MGAT1: variants seen among roughly 807,000 people sequenced by gnomAD.
MGAT1 encodes the protein N-glycosyl-oligosaccharide-glycoprotein N-acetylglucosaminyltransferase I.
A neutral mutation model predicts 31.7 loss-of-function variants in MGAT1; 14 were observed. The observed-to-expected ratio is 0.44, with a 90% CI of 0.29 to 0.69. The LOEUF is 0.69. MGAT1 is among the 30% of genes least tolerant of loss of function. The probability of loss-of-function intolerance (pLI) is 0.12; values close to 1 mark genes in which losing one functional copy is unlikely to be tolerated. For synonymous variants in MGAT1, 338 were observed against 276.0 expected (o/e 1.22, Z -2.23); for missense variants, 557 against 626.0 (o/e 0.89, Z 1.18).
chr5:180,794,411 T>TTTTTTATATATATATATATATA (rs528893463), intron 1 of MGAT1, among the ~76,000 whole-genome samples: 1 of 141,982 alleles, frequency 7.0e-6, no homozygotes, highest in Non-Finnish European at 1.5e-5. Context: ...TTTTTTTTTA[T>TTTTTTATATATATATATATATA]TATATATATA....
At chr5:180,799,329 G>A (rs371804532) in intron 1 of MGAT1, among the ~76,000 whole-genome samples, 8 of 152,252 alleles carry the variant, frequency 5.3e-5, no homozygotes, top group African/African-American at 1.7e-4. Context: ...GGACGCTGCT[G>A]TGTCTCTGCT....
chr5:180,784,847 A>T lies in MGAT1; in HGVS notation c.*6787T>A, dbSNP rs961918028. On this transcript the variant is annotated 3_prime_UTR_variant, in exon 2 of 2. Transcript: ENST00000307826. ...TTAGGTAGTTACACGATAAGCACAT[A>T]TTACTTATATACGAAAAAAGTTATT... 7.3e-4 allele frequency: 111 copies of T among 152,376 alleles called. No individual in the cohort carries two copies. Among genetic ancestry groups the T allele is most frequent in the African/African-American group, 2.5e-3 (105 of 41,582 alleles). The allele number at this position is 152,376 out of a possible 1,614,324, so 9.4% of individuals were successfully genotyped here.
chr5:180,792,518 T>C lies in MGAT1; in HGVS notation c.454A>G (p.Ile152Val), dbSNP rs1768399851. The C allele has an allele frequency of 6.2e-7, 1 of 1,612,992 alleles. No individual in the cohort carries two copies. Among genetic ancestry groups the C allele is most frequent in the Non-Finnish European group, 8.5e-7 (1 of 1,179,868 alleles). ...GTGACCGCGCTGCCGTAGGAGGCGA[T>C]GGCCTGGGCCGTCTCCTCGTGCCCG... ...DCGHEETAQA[I>V]ASYGSAVTHI... is the part of the protein sequence containing the mutation. The change falls in exon 2 of 2, where the codon ATC (isoleucine) becomes GTC (valine). Residue 152 changes from isoleucine (I) to valine (V), a missense_variant. Physicochemically the swap from Ile to Val is conservative, Grantham distance 29 (BLOSUM62 3). Coordinates refer to ENST00000307826, the MANE Select transcript of MGAT1 (RefSeq NM_002406.4).
Position 180,789,676 on chromosome 5 carries a change from G to A in MGAT1, c.*1958C>T, listed in dbSNP as rs2113166241. 1 of 152,288 alleles carries A rather than the reference G, an allele frequency of 6.6e-6. No individual in the cohort carries two copies. The highest frequency in any genetic ancestry group is 2.4e-5 in the African/African-American group (1 of 41,536). 9.4% of individuals were successfully genotyped at this position (152,288 alleles called of 1,614,324 possible). On this transcript the variant is annotated 3_prime_UTR_variant, in exon 2 of 2. Transcript: ENST00000307826. ...AGAGTCTTGCTCTGTCGCCCAGGCT[G>A]GAGTGCAGTGGTATGATCTTGGATT...
Position 180,791,643 on chromosome 5 carries a change from G to C in MGAT1, c.1329C>G (p.Ser443Arg). ...GAAGGACAGGCAGGTGCTAATTCCA[G>C]CTAGGATCATAGCCCTCCCACGTCA... Reference protein sequence around the residue: ...PPLTWEGYDPSWN With the variant: ...PPLTWEGYDPRWN Residue 443 changes from serine (S) to arginine (R), a missense_variant, in exon 2 of 2, where the codon AGC becomes AGG. Ser to Arg is a moderately radical substitution (Grantham distance 110). Around this residue, in one of 3 missense-constraint regions of MGAT1, gnomAD observed 145 missense variants for 143.2 expected, o/e 1.01. Transcript: ENST00000307826. The C allele has an allele frequency of 2.5e-6, 4 of 1,613,312 alleles. No individual in the cohort carries two copies. The highest frequency in any genetic ancestry group is 2.5e-6 in the Non-Finnish European group (3 of 1,179,880).
At chr5:180,812,833 T>A (rs1477175094) in intron 1 of MGAT1, among the ~76,000 whole-genome samples, 1 of 152,198 alleles carries the variant, frequency 6.6e-6, no homozygotes, top group Non-Finnish European at 1.5e-5. Flanking sequence ...TAATTGCCGG[T>A]TTTAAAAAAT....
chr5:180,791,549 C>G lies in MGAT1; in HGVS notation c.*85G>C. 2 of 1,496,586 alleles carry G rather than the reference C, an allele frequency of 1.3e-6. No homozygotes were observed. The highest frequency in any genetic ancestry group is 4.5e-5 in the East Asian group (2 of 44,030). The allele number at this position is 1,496,586 out of a possible 1,614,324, so 92.7% of individuals were successfully genotyped here. On this transcript the variant is annotated 3_prime_UTR_variant, in exon 2 of 2. Coordinates refer to ENST00000307826, the MANE Select transcript of MGAT1 (RefSeq NM_002406.4). The stretch of plus-strand genomic sequence containing the variant: ...GATAAATGCACCTAAGAGGGAAACA[C>G]AGGCAGGCCGATGCAGCCTGGGGAC...
intron 2 of MGAT1, chr5:180,808,368 A>G (rs1380960264): frequency 6.6e-6 from 1 of 150,908 alleles, no homozygotes; most frequent in African/African-American, 2.4e-5. Flanking sequence ...AGGTAATCTA[A>G]TCCAACCTCC....
At position 180,793,065 on chromosome 5, in the gene MGAT1, T is replaced by TAATCCCATAGTC; in HGVS notation, c.-95_-94insGACTATGGGATT. ...TGCCCGCAGTCCTAGGGATGCCTCC[T>TAATCCCATAGTC]CTGGACTATGGGATTAGGAGGCAGC... On this transcript the variant is annotated 5_prime_UTR_variant, in exon 2 of 2. It adds an upstream start codon to the 5' untranslated region. Coordinates refer to ENST00000307826, the MANE Select transcript of MGAT1 (RefSeq NM_002406.4). The TAATCCCATAGTC allele has an allele frequency of 6.9e-7, 1 of 1,449,314 alleles. No individual in the cohort carries two copies. The highest frequency in any genetic ancestry group is 1.3e-5 in the South Asian group (1 of 76,592). The allele number at this position is 1,449,314 out of a possible 1,614,324, so 89.8% of individuals were successfully genotyped here.
chr5:180,794,413 A>T lies in MGAT1; in HGVS notation c.-126-1316T>A, dbSNP rs867715447. On this transcript the variant is annotated intron_variant, in intron 1 of 1. Transcript: ENST00000307826. ...TGTCTCAAAAAAATTTTTTTTTATTATATATATATATATATGGCATACTAC... is the reference window on the plus strand; with the variant it reads ...TGTCTCAAAAAAATTTTTTTTTATTTTATATATATATATATGGCATACTAC... Among the ~76,000 whole-genome samples, 175 of 118,550 alleles carry T rather than the reference A, an allele frequency of 1.5e-3. 2 individuals are homozygous for T. Among genetic ancestry groups the T allele is most frequent in the African/African-American group, 3.8e-3 (109 of 28,622 alleles). The allele number at this position is 118,550 out of a possible 152,430, so 77.8% of individuals were successfully genotyped here. A position where few individuals can be genotyped will look rare whatever the true frequency, so the allele number is the denominator to read the frequency against.
intron 1 of MGAT1, among the ~76,000 whole-genome samples, chr5:180,815,015 T>C (rs1561888655): frequency 6.6e-6 from 1 of 152,150 alleles, no homozygotes; most frequent in Non-Finnish European, 1.5e-5. Flanking sequence ...AGGGAATTTA[T>C]TTCTTACAGC....
At position 180,802,789 on chromosome 5, in the gene MGAT1, C is replaced by G. The variant is rs1257566210; in HGVS notation, c.-236G>C. The stretch of plus-strand genomic sequence containing the variant: ...CTGCCGCGGCCGCCTCGCCTTTCGA[C>G]TCGCCAGCCCTTTCTGCGGCGCGCC... On this transcript the variant is annotated 5_prime_UTR_variant, in exon 1 of 2. Coordinates refer to ENST00000307826, the MANE Select transcript of MGAT1 (RefSeq NM_002406.4). 6.6e-6 allele frequency: 1 copy of G among 151,934 alleles called. No homozygotes were observed. Among genetic ancestry groups the G allele is most frequent in the Non-Finnish European group, 1.5e-5 (1 of 67,960 alleles). The allele number at this position is 151,934 out of a possible 1,614,324, so 9.4% of individuals were successfully genotyped here.
At chr5:180,804,017 A>T (rs1181375556), upstream of MGAT1, 1 of 152,228 alleles carries the variant, frequency 6.6e-6, no homozygotes, top group Non-Finnish European at 1.5e-5. Context: ...TCTACATGAA[A>T]CCACGAATCG....
At chr5:180,802,288 AG>A (rs1258203108) in intron 1 of MGAT1, among the ~76,000 whole-genome samples, 1 of 152,168 alleles carries the variant, frequency 6.6e-6, no homozygotes. Context: ...TCTGCTGAGG[AG>A]AATCAGCCTC....
chr5:180,809,799 A>C (rs1772342294), intron 1 of MGAT1: 1 of 128,616 alleles, frequency 7.8e-6, no homozygotes, highest in African/African-American at 3.0e-5. Context: ...ACACACATCC[A>C]TTCTCTCTCT....
In MGAT1 at chr5:180,796,548, A is replaced by G. The variant is rs73815127; in HGVS notation, c.-126-3451T>C. Among the ~76,000 whole-genome samples the G allele has an allele frequency of 7.7e-3, 1,171 of 152,228 alleles. 16 individuals carry two copies. Among genetic ancestry groups the G allele is most frequent in the African/African-American group, 0.027 (1,114 of 41,536 alleles). On this transcript the variant is annotated intron_variant, in intron 1 of 1. Transcript: ENST00000307826. Reference sequence around the variant, plus strand: ...ACTCAGAGCTGTGGGCCATATCCCCATATTTGATTTTTAAGAAAGTTTATG... The same window carrying G: ...ACTCAGAGCTGTGGGCCATATCCCCGTATTTGATTTTTAAGAAAGTTTATG...
chr5:180,789,408 A>C lies in MGAT1; in HGVS notation c.*2226T>G, dbSNP rs896866148. ...AGCAATTCTCCTGCCTCAGCCTCCC[A>C]AGTAGCTGGAATTACAGGCATGTGC... On this transcript the variant is annotated 3_prime_UTR_variant, in exon 2 of 2. Transcript: ENST00000307826. 2 of 151,580 alleles carry C rather than the reference A, an allele frequency of 1.3e-5. No individual in the cohort carries two copies. Among genetic ancestry groups the C allele is most frequent in the Non-Finnish European group, 2.9e-5 (2 of 68,018 alleles). 9.4% of individuals were successfully genotyped at this position (151,580 alleles called of 1,614,324 possible).
At chr5:180,799,469 C>T (rs1770235276) in intron 1 of MGAT1, among the ~76,000 whole-genome samples, 1 of 152,178 alleles carries the variant, frequency 6.6e-6, no homozygotes, top group Non-Finnish European at 1.5e-5. Flanking sequence ...TATGACTACA[C>T]TCCCACAGCA....
In MGAT1 at chr5:180,787,586, A is replaced by G. The variant is rs1767655168; in HGVS notation, c.*4048T>C. On this transcript the variant is annotated 3_prime_UTR_variant, in exon 2 of 2. Transcript: ENST00000307826. ...CTGGAAGGATACACCACCCACGCGT[A>G]AACACACGTTAAGGGAGCGTGTGCA... 1 of 152,298 alleles carries G rather than the reference A, an allele frequency of 6.6e-6. No individual in the cohort carries two copies. Among genetic ancestry groups the G allele is most frequent in the African/African-American group, 2.4e-5 (1 of 41,482 alleles). The allele number at this position is 152,298 out of a possible 1,614,324, so 9.4% of individuals were successfully genotyped here.
Sources: gnomAD v4.1 joint callset for allele counts (sites outside exome capture counted in the v4.1 genomes callset) on GRCh38, gnomAD v4.1.1 for gene constraint, gnomAD v4.1.1 regional missense constraint, MANE v1.5 for transcripts, NCBI Gene and HGNC (gene_info 2026-07-23, HGNC 2026-07-21) for gene names.